CHRDL2: variants seen among roughly 807,000 people sequenced by gnomAD.
CHRDL2 encodes chordin-like protein 2.
In CHRDL2, 41 loss-of-function variants were observed where a neutral mutation model predicts 54.3. The observed-to-expected ratio is 0.76, with a 90% confidence interval of 0.59 to 0.98. The LOEUF is 0.98. Among genes scored for constraint, CHRDL2 ranks in the 50% least tolerant of loss-of-function variants. CHRDL2 has a pLI of 0.00. For synonymous variants in CHRDL2, 220 were observed against 224.3 expected (o/e 0.98, Z 0.17); for missense variants, 518 against 562.4 (o/e 0.92, Z 0.80).
At chr11:74,697,129 G>C in intron 10 of CHRDL2, 76 bp downstream of exon 10, 1 of 1,173,298 alleles carries the variant, frequency 8.5e-7, no homozygotes, top group African/African-American at 1.5e-5. Context: ...AGCAGCCTGG[G>C]AACTCCCCGA....
chr11:74,731,208 G>C lies in CHRDL2; in HGVS notation c.-320C>G. 1 of 245,538 alleles carries C rather than the reference G, an allele frequency of 4.1e-6. No individual in the cohort carries two copies. Among genetic ancestry groups the C allele is most frequent in the Non-Finnish European group, 7.9e-6 (1 of 126,984 alleles). The allele number at this position is 245,538 out of a possible 1,614,324, so 15.2% of individuals were successfully genotyped here. A position where few individuals can be genotyped will look rare whatever the true frequency, so the allele number is the denominator to read the frequency against. ...GAGAGGGAGAGGAGGAGAAAGCAGG[G>C]AGAGGACCGGCGTCTGCCGAGCGCG... On this transcript the variant is annotated 5_prime_UTR_variant, in exon 1 of 11. Transcript: ENST00000376332. The surrounding 1 kb of genome is among the most constrained non-coding windows in gnomAD (Gnocchi z 4.4).
chr11:74,728,664 G>A (rs1591373197), intron 1 of CHRDL2, among the ~76,000 whole-genome samples: 1 of 152,276 alleles, frequency 6.6e-6, no homozygotes, highest in Non-Finnish European at 1.5e-5. Context: ...CTACAGGTGT[G>A]TACCACTGTG....
Position 74,717,687 on chromosome 11 carries a change from C to T in CHRDL2, c.195+1033G>A, listed in dbSNP as rs117387820. Among the ~76,000 whole-genome samples the T allele has an allele frequency of 2.6e-3, 393 of 152,314 alleles. 9 individuals are homozygous for T. In the East Asian group the frequency reaches 0.047, roughly 18 times the overall value. On this transcript the variant is annotated intron_variant, in intron 2 of 10. Coordinates refer to ENST00000376332, the MANE Select transcript of CHRDL2 (RefSeq NM_001278473.3). ...TCTCCTCCAGAGCTCTGTCTGCTCC[C>T]ACCCCAGAGGGTTCTGTTTTAACAA... is the stretch of plus-strand genomic sequence containing the variant.
At chr11:74,710,379 G>T (rs1300231429) in intron 4 of CHRDL2, among the ~76,000 whole-genome samples, 1 of 152,174 alleles carries the variant, frequency 6.6e-6, no homozygotes, top group Middle Eastern at 3.2e-3. Context: ...AGTCAGCCCT[G>T]CCTGCCCGGA....
At chr11:74,701,633 C>T in intron 9 of CHRDL2, 1 of 717,086 alleles carries the variant, frequency 1.4e-6, no homozygotes, top group Non-Finnish European at 2.6e-6. Context: ...CTCTCTGAGC[C>T]TCAGTTTCCT....
intron 9 of CHRDL2, among the ~76,000 whole-genome samples, chr11:74,702,277 ACTC>A (rs1004702572): frequency 1.3e-5 from 2 of 150,602 alleles, no homozygotes; most frequent in Non-Finnish European, 3.0e-5. Flanking sequence ...AGTAGAAAAA[ACTC>A]CTCTTGACCT....
At chr11:74,703,256 A>G (rs1245792533) in intron 8 of CHRDL2, 49 bp downstream of exon 8, 1 of 1,532,534 alleles carries the variant, frequency 6.5e-7, no homozygotes. Flanking sequence ...AGAGAGACCC[A>G]GGGCTCACTC....
In CHRDL2 at chr11:74,718,827, C is replaced by T. The variant is rs773433183; in HGVS notation, c.88G>A (p.Asp30Asn). The T allele has an allele frequency of 1.2e-6, 2 of 1,607,700 alleles. No homozygotes were observed. The highest frequency in any genetic ancestry group is 1.3e-5 in the African/African-American group (1 of 74,748). Residue 30 changes from aspartate (D) to asparagine (N), a missense_variant, in exon 2 of 11, where the codon GAC becomes AAC. Physicochemically the swap from Asp to Asn is conservative, Grantham distance 23. Transcript: ENST00000376332. ...TTCCCATGGAAAAGGCAGAACATGT[C>T]TGGGCCTGGCAAACCGACCAGTGCC... ...PLDSHARARP[D>N]MFCLFHGKRY...
In CHRDL2 at chr11:74,710,838, G is replaced by A. The variant is rs1370883677; in HGVS notation, c.432+11C>T. On this transcript the variant is annotated intron_variant, in intron 4 of 10. Coordinates refer to ENST00000376332, the MANE Select transcript of CHRDL2 (RefSeq NM_001278473.3). ...GCTGGCCTGTGCTGAAGGGAAGGCA[G>A]GAGTTCTTACTGTGCAGCTGCAGAG... is the stretch of plus-strand genomic sequence containing the variant. The A allele has an allele frequency of 6.2e-7, 1 of 1,613,746 alleles. No homozygotes were observed. The highest frequency in any genetic ancestry group is 8.5e-7 in the Non-Finnish European group (1 of 1,179,808).
intron 2 of CHRDL2, among the ~76,000 whole-genome samples, chr11:74,716,079 G>T (rs1466189829): frequency 6.6e-6 from 1 of 152,146 alleles, no homozygotes; most frequent in African/African-American, 2.4e-5. Flanking sequence ...TTATAAGGAG[G>T]AAACATTTGT....
intron 7 of CHRDL2, 113 bp from the exon 8 acceptor site, chr11:74,703,612 G>C: frequency 2.3e-6 from 2 of 888,050 alleles, no homozygotes; most frequent in Admixed American, 2.9e-5. Flanking sequence ...TACCAGTCCT[G>C]CCTAGCCACA....
intron 10 of CHRDL2, 99 bp downstream of exon 10, chr11:74,697,106 T>C (rs1487782090): frequency 7.9e-6 from 7 of 882,624 alleles, no homozygotes; most frequent in African/African-American, 1.6e-5. Context: ...TGACAGCCCC[T>C]CCTCCCGGCA....
chr11:74,700,166 T>C (rs1448863020), intron 9 of CHRDL2, among the ~76,000 whole-genome samples: 3 of 152,224 alleles, frequency 2.0e-5, no homozygotes. Context: ...AGACTCAGTT[T>C]TCTTACCTGC....
In CHRDL2 at chr11:74,710,844, C is replaced by G; in HGVS notation, c.432+5G>C. ...CTGTGCTGAAGGGAAGGCAGGAGTT[C>G]TTACTGTGCAGCTGCAGAGGACACA... On this transcript the variant is annotated splice_donor_5th_base_variant and intron_variant, in intron 4 of 10. Coordinates refer to ENST00000376332, the MANE Select transcript of CHRDL2 (RefSeq NM_001278473.3). The G allele has an allele frequency of 7.4e-6, 12 of 1,613,898 alleles. No homozygotes were observed. Among genetic ancestry groups the G allele is most frequent in the Non-Finnish European group, 1.0e-5 (12 of 1,179,904 alleles).
rs774308446 is a variant in CHRDL2 at position 74,706,473 on chromosome 11, G to C, written c.582+14C>G. The C allele has an allele frequency of 6.2e-7, 1 of 1,613,542 alleles. No homozygotes were observed. The highest frequency in any genetic ancestry group is 8.5e-7 in the Non-Finnish European group (1 of 1,179,664). ...CCCCTGTCCCGCACCCCGTCAATAA[G>C]GCCGTGCACTCACCACCCCATGGAG... On this transcript the variant is annotated intron_variant, in intron 6 of 10. Transcript: ENST00000376332.
At chr11:74,703,000 T>TAAA in intron 8 of CHRDL2, 33 bp from the exon 9 acceptor site, 1 of 1,566,634 alleles carries the variant, frequency 6.4e-7, no homozygotes, top group African/African-American at 1.4e-5. Flanking sequence ...AAGTGTTCAA[T>TAAA]AAACGTTGGC....
In CHRDL2 at chr11:74,703,313, A is replaced by C. The variant is rs1259922100; in HGVS notation, c.938T>G (p.Ile313Ser). 1 of 1,601,194 alleles carries C rather than the reference A, an allele frequency of 6.2e-7. No individual in the cohort carries two copies. The change falls in exon 8 of 11, where the codon ATT (isoleucine) becomes AGT (serine). Residue 313 changes from isoleucine to serine, a missense_variant. Coordinates refer to ENST00000376332, the MANE Select transcript of CHRDL2 (RefSeq NM_001278473.3). ...CCAGTGCCCCTGTGTACCTGGGCAA[A>C]TCTTGCAGCACTTCCCAGCCACTTT... ...PEKVAGKCCK[I>S]CPEDKADPGH... is the part of the protein sequence containing the mutation.
intron 2 of CHRDL2, among the ~76,000 whole-genome samples, chr11:74,714,451 C>G (rs1411385781): frequency 6.6e-6 from 1 of 152,238 alleles, no homozygotes; most frequent in Admixed American, 6.5e-5. Context: ...CCCCCTGGTT[C>G]CTTCCTCCTG....
At chr11:74,718,931 G>A in intron 1 of CHRDL2, 99 bp from the exon 2 acceptor site, 2 of 729,672 alleles carry the variant, frequency 2.7e-6, no homozygotes, top group Non-Finnish European at 2.3e-6. Context: ...GATGTCATCT[G>A]GGCCACTCAG....
Sources: gnomAD v4.1 joint callset for allele counts (sites outside exome capture counted in the v4.1 genomes callset) on GRCh38, gnomAD v4.1.1 for gene constraint, Gnocchi (gnomAD v3.1) non-coding constraint, MANE v1.5 for transcripts, NCBI Gene and HGNC (gene_info 2026-07-23, HGNC 2026-07-21) for gene names.